Variants in ARHGAP32 observed in about 807,000 individuals in gnomAD.
ARHGAP32 encodes Rho GTPase activating protein 32.
ARHGAP32 carries 51 observed loss-of-function variants against 186.5 expected under a neutral mutation model. The observed-to-expected ratio is 0.27, with a 90% confidence interval of 0.22 to 0.35. The LOEUF (loss-of-function observed/expected upper bound fraction) is 0.35, where lower values mean the gene tolerates loss of function less well. ARHGAP32 is among the 10% of genes least tolerant of loss of function. ARHGAP32 has a pLI of 1.00. For synonymous variants in ARHGAP32, 950 were observed against 964.3 expected, an observed-to-expected ratio of 0.99 and a Z score of 0.27; for missense variants, 2,186 against 2,623.5, an observed-to-expected ratio of 0.83 and a Z score of 3.64.
chr11:128,995,320 C>A (rs1215296489), intron 12 of ARHGAP32, among the ~76,000 whole-genome samples: 1 of 152,122 alleles, frequency 6.6e-6, no homozygotes, highest in Non-Finnish European at 1.5e-5. Flanking sequence ...AATCCCCCGA[C>A]CTCAGCCTCC....
At chr11:129,179,515 T>C (rs1591676912) in intron 1 of ARHGAP32, among the ~76,000 whole-genome samples, 1 of 151,748 alleles carries the variant, frequency 6.6e-6, no homozygotes, top group East Asian at 1.9e-4. Flanking sequence ...TGCGGCATTA[T>C]TCATGATAGC....
intron 1 of ARHGAP32, among the ~76,000 whole-genome samples, chr11:129,275,870 T>C (rs144787995): frequency 3.7e-4 from 57 of 152,400 alleles, no homozygotes; most frequent in African/African-American, 1.3e-3. Flanking sequence ...AGGCTACAGT[T>C]TGCCCATCCC....
intron 1 of ARHGAP32, among the ~76,000 whole-genome samples, chr11:129,179,020 G>T (rs561004409): frequency 6.6e-6 from 1 of 151,474 alleles, no homozygotes; most frequent in East Asian, 1.9e-4. Context: ...TACAAAATGG[G>T]AGAAAATTTT....
chr11:129,268,299 GA>G (rs1315409981), intron 1 of ARHGAP32, among the ~76,000 whole-genome samples: 8 of 152,180 alleles, frequency 5.3e-5, no homozygotes, highest in Non-Finnish European at 8.8e-5. Flanking sequence ...AAATAAAGCA[GA>G]TCTGTGTGGA....
Position 128,980,638 on chromosome 11 carries a change from T to G in ARHGAP32, c.1891A>C (p.Thr631Pro). The change falls in exon 18 of 23, where the codon ACG (threonine) becomes CCG (proline). Residue 631 changes from threonine to proline, a missense_variant. Thr to Pro is a conservative substitution (Grantham distance 38). This residue lies in a region of ARHGAP32 where 263 missense variants were observed against 323.5 expected (regional missense o/e 0.81). Coordinates refer to ENST00000682385, the MANE Select transcript of ARHGAP32 (RefSeq NM_001378024.1). ...CCTACTTCGATATATTTATTTTCCGTCACAATTGGAGAATTGACCTGAGCT... is the reference window on the plus strand; with the variant it reads ...CCTACTTCGATATATTTATTTTCCGGCACAATTGGAGAATTGACCTGAGCT... ...TQAQVNSPIV[T>P]ENKYIEVGEG... 6.2e-7 allele frequency: 1 copy of G among 1,614,064 alleles called. No individual in the cohort carries two copies. The highest frequency in any genetic ancestry group is 1.3e-5 in the African/African-American group (1 of 75,050).
At position 129,210,264 on chromosome 11, in the gene ARHGAP32, A is replaced by T. The variant is rs537960513; in HGVS notation, c.-4-45837T>A. 5.9e-5 allele frequency among the ~76,000 whole-genome samples: 9 copies of T among 152,348 alleles called. No individual in the cohort carries two copies. The South Asian group carries it at 1.9e-3, about 32-fold the overall frequency. On this transcript the variant is annotated intron_variant, in intron 1 of 6. Transcript: ENST00000525234. ...ATTTCCAAAGGGAGAAGAAACCTTG[A>T]AAACAGTCTATTCTGAAGTCAGCTA...
chr11:129,065,577 G>C (rs1012122817), intron 7 of ARHGAP32, among the ~76,000 whole-genome samples: 1 of 152,082 alleles, frequency 6.6e-6, no homozygotes, highest in African/African-American at 2.4e-5. Flanking sequence ...GCAGAAATGG[G>C]AAATGCAGAT....
At chr11:129,209,660 A>T (rs1265010110) in intron 1 of ARHGAP32, among the ~76,000 whole-genome samples, 2 of 91,300 alleles carry the variant, frequency 2.2e-5, no homozygotes, top group African/African-American at 7.2e-5. Context: ...CCTGGTTTAC[A>T]AATTTTGCAA....
chr11:129,118,275 T>C (rs1942428332), intron 5 of ARHGAP32, among the ~76,000 whole-genome samples: 1 of 151,980 alleles, frequency 6.6e-6, no homozygotes, highest in African/African-American at 2.4e-5. Flanking sequence ...AGCTAGTTTT[T>C]GAGAGGCAAA....
chr11:129,059,786 C>T (rs7950724), intron 10 of ARHGAP32, among the ~76,000 whole-genome samples: 41,194 of 151,960 alleles, frequency 0.27, 6,085 homozygotes, highest in Middle Eastern at 0.4. Context: ...GTGTAAGCCA[C>T]TGCCCCTAGC....
chr11:129,021,675 T>A (rs1435836232), intron 11 of ARHGAP32, among the ~76,000 whole-genome samples: 1 of 152,078 alleles, frequency 6.6e-6, no homozygotes, highest in African/African-American at 2.4e-5. Context: ...TATAAATAAG[T>A]TACACCTTTT....
At chr11:129,154,298 C>A (rs1943354276) in intron 2 of ARHGAP32, among the ~76,000 whole-genome samples, 1 of 152,138 alleles carries the variant, frequency 6.6e-6, no homozygotes, top group Non-Finnish European at 1.5e-5. Context: ...TAAACTAGTA[C>A]AACCGCTATG....
At chr11:129,182,246 T>C (rs1482187256) in intron 1 of ARHGAP32, among the ~76,000 whole-genome samples, 1 of 152,142 alleles carries the variant, frequency 6.6e-6, no homozygotes, top group African/African-American at 2.4e-5. Context: ...TGCATTTATA[T>C]GTCATTCTAT....
rs1051398035 is a variant in ARHGAP32 at position 129,088,565 on chromosome 11, C to T, written c.531+5056G>A. On this transcript the variant is annotated intron_variant, in intron 6 of 22. Transcript: ENST00000682385. ...ACTGCACTCCAGACTGGTGACAGAG[C>T]GAGACTCCTTCTCAATCAATCAATC... Among the ~76,000 whole-genome samples the T allele has an allele frequency of 8.5e-5, 13 of 152,090 alleles. No individual in the cohort carries two copies. In the East Asian group the frequency reaches 2.5e-3, roughly 29 times the overall value.
Position 128,973,075 on chromosome 11 carries a change from G to A in ARHGAP32, c.3431C>T (p.Pro1144Leu). 6.2e-7 allele frequency: 1 copy of A among 1,614,120 alleles called. No homozygotes were observed. The highest frequency in any genetic ancestry group is 8.5e-7 in the Non-Finnish European group (1 of 1,180,042). ...PLPETTATGD[P>L]THSNTTESGE... is the part of the protein sequence containing the mutation. ...AGATTCAGTTGTGTTGGAATGGGTA[G>A]GATCCCCAGTAGCTGTTGTCTCTGG... Residue 1144 changes from proline to leucine, a missense_variant, in exon 22 of 23, where the codon CCT (proline) becomes CTT (leucine). By Grantham distance (98) the Pro-to-Leu change is moderately conservative. This residue lies in a region of ARHGAP32 where 1,502 missense variants were observed against 1,570.0 expected (regional missense o/e 0.96). Coordinates refer to ENST00000682385, the MANE Select transcript of ARHGAP32 (RefSeq NM_001378024.1).
chr11:129,038,569 T>C (rs1344670076), intron 11 of ARHGAP32, among the ~76,000 whole-genome samples: 1 of 151,854 alleles, frequency 6.6e-6, no homozygotes, highest in Non-Finnish European at 1.5e-5. Context: ...AAAGAATTTG[T>C]ATCTAGAATA....
chr11:129,252,829 TC>T (rs1039789431), intron 1 of ARHGAP32, among the ~76,000 whole-genome samples: 2 of 152,208 alleles, frequency 1.3e-5, no homozygotes, highest in Non-Finnish European at 2.9e-5. Context: ...TAAACGCTAA[TC>T]CCTCTACTCA....
At chr11:129,276,333 C>T (rs1465576927) in intron 1 of ARHGAP32, among the ~76,000 whole-genome samples, 2 of 152,150 alleles carry the variant, frequency 1.3e-5, no homozygotes, top group South Asian at 4.1e-4. Flanking sequence ...CAGGATCTCA[C>T]TCTGTTGACC....
chr11:129,060,779 C>T (rs1940467886), intron 10 of ARHGAP32, among the ~76,000 whole-genome samples: 1 of 150,634 alleles, frequency 6.6e-6, no homozygotes, highest in Non-Finnish European at 1.5e-5. Context: ...AACCAGAATT[C>T]TTTAAATTTA....
Sources: allele counts gnomAD v4.1 joint callset (sites outside exome capture counted in the v4.1 genomes callset), GRCh38; gene constraint gnomAD v4.1.1; regional missense constraint gnomAD v4.1.1; transcripts MANE v1.5; gene names NCBI Gene and HGNC (gene_info 2026-07-23, HGNC 2026-07-21).